PLCG2: variants seen among roughly 807,000 people sequenced by gnomAD.
PLCG2 encodes the protein 1-phosphatidylinositol 4,5-bisphosphate phosphodiesterase gamma-2.
In PLCG2, 69 loss-of-function variants were observed where a neutral mutation model predicts 175.6. That is an observed-to-expected ratio of 0.39 (90% CI 0.32 to 0.48). The LOEUF (loss-of-function observed/expected upper bound fraction) is 0.48, where lower values mean the gene tolerates loss of function less well. Ranked by LOEUF, PLCG2 falls within the 20% of genes least tolerant of loss-of-function variation. The pLI is 0.91. For synonymous variants in PLCG2, 827 were observed against 624.0 expected, an observed-to-expected ratio of 1.33 and a Z score of -4.85; for missense variants, 1,798 against 1,650.9, an observed-to-expected ratio of 1.09 and a Z score of -1.54.
chr16:81,896,956 G>A (rs974613524), intron 13 of PLCG2, among the ~76,000 whole-genome samples: 31 of 152,196 alleles, frequency 2.0e-4, no homozygotes, highest in African/African-American at 7.0e-4. Context: ...TCTTGGTCTG[G>A]GCTGGAGGTC....
At chr16:81,899,169 A>G (rs887101264) in intron 13 of PLCG2, among the ~76,000 whole-genome samples, 2 of 152,086 alleles carry the variant, frequency 1.3e-5, no homozygotes, top group Non-Finnish European at 2.9e-5. Flanking sequence ...ATCCCGGGCA[A>G]TGAGTGAAAC....
At chr16:81,854,947 T>C (rs568214233) in intron 3 of PLCG2, among the ~76,000 whole-genome samples, 3 of 152,118 alleles carry the variant, frequency 2.0e-5, no homozygotes, top group South Asian at 4.2e-4. Context: ...GCTGGGCTCA[T>C]CCCTGTAATC....
intron 1 of PLCG2, among the ~76,000 whole-genome samples, chr16:81,740,071 G>A (rs1301245642): frequency 6.6e-6 from 1 of 151,228 alleles, no homozygotes; most frequent in Non-Finnish European, 1.5e-5. Context: ...CTGGGAGGTG[G>A]GGGTTGCAGT....
intron 14 of PLCG2, among the ~76,000 whole-genome samples, chr16:81,903,249 T>A (rs1220626454): frequency 6.6e-6 from 1 of 152,158 alleles, no homozygotes; most frequent in Non-Finnish European, 1.5e-5. Context: ...GTACCCTATA[T>A]TATCACTGGG....
At chr16:81,902,186 C>T (rs1018935166) in intron 14 of PLCG2, among the ~76,000 whole-genome samples, 26 of 152,192 alleles carry the variant, frequency 1.7e-4, no homozygotes, top group Non-Finnish European at 3.1e-4. Context: ...AAGTCCCTAG[C>T]GGGGCAGCCT....
At chr16:81,856,295 C>T (rs149667042) in intron 3 of PLCG2, among the ~76,000 whole-genome samples, 2 of 152,232 alleles carry the variant, frequency 1.3e-5, no homozygotes, top group East Asian at 3.9e-4. Flanking sequence ...GAGGTGTTTG[C>T]ACTGTTAGCT....
chr16:81,864,029 C>T (rs74029284), intron 5 of PLCG2, among the ~76,000 whole-genome samples: 3,441 of 152,230 alleles, frequency 0.023, 137 homozygotes, highest in African/African-American at 0.079. Context: ...TGGCCTCTGG[C>T]GTTGCAAATT....
intron 9 of PLCG2, among the ~76,000 whole-genome samples, chr16:81,884,135 G>C (rs921631528): frequency 1.3e-5 from 2 of 152,196 alleles, no homozygotes; most frequent in Non-Finnish European, 2.9e-5. Flanking sequence ...CGGATCACTT[G>C]AAGCCAGGAG....
At position 81,946,280 on chromosome 16, in the gene PLCG2, C is replaced by A. The variant is rs1274382064; in HGVS notation, c.3570+17C>A. ...CCAGTCCTGGTGAGTGGAGAAACAC[C>A]AGTTAAGGGTTCCCTGAGCTATGCC... On this transcript the variant is annotated intron_variant, in intron 31 of 32. Coordinates refer to ENST00000564138, the MANE Select transcript of PLCG2 (RefSeq NM_002661.5). 6.3e-7 allele frequency: 1 copy of A among 1,590,144 alleles called. No individual in the cohort carries two copies. The highest frequency in any genetic ancestry group is 2.2e-5 in the East Asian group (1 of 44,732).
At chr16:81,872,120 G>C (rs777979269) in intron 7 of PLCG2, among the ~76,000 whole-genome samples, 19 of 152,144 alleles carry the variant, frequency 1.2e-4, no homozygotes, top group Non-Finnish European at 2.2e-4. Context: ...TTGAGGTCAG[G>C]AGTTTGAGAT....
At chr16:81,793,715 G>T (rs1450182366) in intron 2 of PLCG2, among the ~76,000 whole-genome samples, 1 of 152,174 alleles carries the variant, frequency 6.6e-6, no homozygotes, top group Non-Finnish European at 1.5e-5. Flanking sequence ...CTCTTCTAAT[G>T]AATGCTCACT....
chr16:81,831,237 C>A (rs1208825304), intron 2 of PLCG2, among the ~76,000 whole-genome samples: 1 of 152,260 alleles, frequency 6.6e-6, no homozygotes, highest in Admixed American at 6.5e-5. Flanking sequence ...GAATGTAATT[C>A]TTCGAGGCCA....
intron 14 of PLCG2, 26 bp downstream of exon 14, chr16:81,900,806 G>C (rs1909116814): frequency 1.9e-6 from 3 of 1,584,110 alleles, no homozygotes; most frequent in East Asian, 4.5e-5. Context: ...GCTGCTGTTG[G>C]CTGTCCAGGG....
intron 2 of PLCG2, among the ~76,000 whole-genome samples, chr16:81,789,287 C>T (rs376820942): frequency 3.3e-5 from 5 of 152,290 alleles, no homozygotes; most frequent in Non-Finnish European, 2.9e-5. Context: ...TACGCGGATG[C>T]GCTCTCTCGC....
At chr16:81,898,971 A>T (rs1049408877) in intron 13 of PLCG2, among the ~76,000 whole-genome samples, 2 of 152,140 alleles carry the variant, frequency 1.3e-5, no homozygotes, top group African/African-American at 4.8e-5. Context: ...GATCAACTGA[A>T]TTCAGGAGTT....
At chr16:81,805,500 G>GA (rs1316978784) in intron 2 of PLCG2, among the ~76,000 whole-genome samples, 6,316 of 54,134 alleles carry the variant, frequency 0.12, 207 homozygotes, top group Non-Finnish European at 0.14. Context: ...CTCCATCTCA[G>GA]AAAAAAAAAA....
At chr16:81,869,324 A>G in intron 6 of PLCG2, 26 bp downstream of exon 6, 2 of 1,507,608 alleles carry the variant, frequency 1.3e-6, no homozygotes, top group Non-Finnish European at 1.8e-6. Context: ...CAGCCTGGGA[A>G]TTTTATGAAT....
chr16:81,803,505 C>T (rs985069779), intron 2 of PLCG2, among the ~76,000 whole-genome samples: 3 of 145,144 alleles, frequency 2.1e-5, no homozygotes, highest in African/African-American at 5.0e-5. Context: ...TTACTGTTTT[C>T]ATTTTCTTTG....
intron 1 of PLCG2, among the ~76,000 whole-genome samples, chr16:81,783,625 C>T (rs1175626699): frequency 6.6e-6 from 1 of 152,134 alleles, no homozygotes; most frequent in African/African-American, 2.4e-5. Flanking sequence ...TTTCAGTTTT[C>T]CGCTGCCGTA....
Sources: allele counts gnomAD v4.1 joint callset (sites outside exome capture counted in the v4.1 genomes callset), GRCh38; gene constraint gnomAD v4.1.1; transcripts MANE v1.5; gene names NCBI Gene and HGNC (gene_info 2026-07-23, HGNC 2026-07-21).